Variants in DIXDC1 observed in about 807,000 individuals in gnomAD.
The protein encoded by DIXDC1 is dixin.
DIXDC1 carries 64 observed loss-of-function variants against 103.1 expected under a neutral mutation model. The ratio of observed to expected loss-of-function variants is 0.62; its 90% CI spans 0.51 to 0.76. The LOEUF (loss-of-function observed/expected upper bound fraction) is 0.76, where lower values mean the gene tolerates loss of function less well. DIXDC1 is among the 30% of genes least tolerant of loss of function. DIXDC1 has a pLI of 0.00. For synonymous variants in DIXDC1, 266 were observed against 298.5 expected (o/e 0.89, Z 1.12); for missense variants, 759 against 834.2 (o/e 0.91, Z 1.11).
chr11:111,947,215 C>T (rs781784920), intron 1 of DIXDC1, among the ~76,000 whole-genome samples: 1 of 152,098 alleles, frequency 6.6e-6, no homozygotes, highest in Admixed American at 6.6e-5. Flanking sequence ...CAGAGAAGCA[C>T]TGCTTTTCCC....
Position 111,977,226 on chromosome 11 carries a change from A to C in DIXDC1, c.656+2243A>C. 1.0e-6 allele frequency: 1 copy of C among 983,224 alleles called. No homozygotes were observed. The highest frequency in any genetic ancestry group is 1.2e-6 in the Non-Finnish European group (1 of 830,838). The allele number at this position is 983,224 out of a possible 1,614,324, so 60.9% of individuals were successfully genotyped here. On this transcript the variant is annotated intron_variant, in intron 5 of 19. Coordinates refer to ENST00000440460, the MANE Select transcript of DIXDC1 (RefSeq NM_001037954.4). This position sits in a 1 kb window ranked among gnomAD's most constrained non-coding sequence, Gnocchi z 6.1. ...CTCCGTCCAGAGCGGTCGGTTGGCC[A>C]GCGGAGCTGGCTTGGGTCGGAGCCC...
rs927312201 is a variant in DIXDC1 at position 111,937,562 on chromosome 11, A to G, written c.60+3A>G. On this transcript the variant is annotated splice_donor_region_variant and intron_variant, in intron 1 of 19. Transcript: ENST00000440460. ...TCCTGCAGGAGGGCTTCAATGAGGT[A>G]ACTGTCCTGCTCCTCCCACTCCTCA... 2 of 1,588,598 alleles carry G rather than the reference A, an allele frequency of 1.3e-6. No homozygotes were observed. Among genetic ancestry groups the G allele is most frequent in the African/African-American group, 2.7e-5 (2 of 74,278 alleles).
chr11:111,969,415 C>T (rs1859839935), intron 3 of DIXDC1, among the ~76,000 whole-genome samples: 1 of 152,034 alleles, frequency 6.6e-6, no homozygotes, highest in African/African-American at 2.4e-5. Context: ...TACATTTTTT[C>T]CATCTAGTTT....
chr11:111,950,057 A>G (rs1264434994), intron 1 of DIXDC1, among the ~76,000 whole-genome samples: 3 of 152,166 alleles, frequency 2.0e-5, no homozygotes, highest in Non-Finnish European at 4.4e-5. Flanking sequence ...AAATGAATGC[A>G]TGGAATGACA....
At position 112,019,294 on chromosome 11, in the gene DIXDC1, G is replaced by A. The variant is rs1861686722; in HGVS notation, c.*258G>A. The A allele has an allele frequency of 3.5e-6, 1 of 286,960 alleles. No homozygotes were observed. Among genetic ancestry groups the A allele is most frequent in the African/African-American group, 2.1e-5 (1 of 46,802 alleles). 17.8% of individuals were successfully genotyped at this position (286,960 alleles called of 1,614,324 possible). ...GGAACACAGTGTTCTATTCTACTCT[G>A]AGGACAACAAACCGAAGGCCTTAAA... On this transcript the variant is annotated 3_prime_UTR_variant, in exon 20 of 20. Coordinates refer to ENST00000440460, the MANE Select transcript of DIXDC1 (RefSeq NM_001037954.4).
intron 1 of DIXDC1, among the ~76,000 whole-genome samples, chr11:111,943,501 T>G (rs1311292080): frequency 1.4e-5 from 2 of 145,634 alleles, no homozygotes; most frequent in Admixed American, 6.7e-5. Flanking sequence ...TTTTTTTTTT[T>G]TTTTTTTTTG....
chr11:112,019,297 G>A lies in DIXDC1; in HGVS notation c.*261G>A. On this transcript the variant is annotated 3_prime_UTR_variant, in exon 20 of 20. Coordinates refer to ENST00000440460, the MANE Select transcript of DIXDC1 (RefSeq NM_001037954.4). Reference sequence around the variant, plus strand: ...ACACAGTGTTCTATTCTACTCTGAGGACAACAAACCGAAGGCCTTAAACGA... The same window carrying A: ...ACACAGTGTTCTATTCTACTCTGAGAACAACAAACCGAAGGCCTTAAACGA... 1 of 279,174 alleles carries A rather than the reference G, an allele frequency of 3.6e-6. No homozygotes were observed. Among genetic ancestry groups the A allele is most frequent in the Non-Finnish European group, 6.8e-6 (1 of 146,974 alleles). 17.3% of individuals were successfully genotyped at this position (279,174 alleles called of 1,614,324 possible). A position where few individuals can be genotyped will look rare whatever the true frequency, so the allele number is the denominator to read the frequency against.
At chr11:111,949,664 T>A (rs1966711520) in intron 1 of DIXDC1, among the ~76,000 whole-genome samples, 4 of 152,222 alleles carry the variant, frequency 2.6e-5, no homozygotes, top group Admixed American at 1.3e-4. Flanking sequence ...AGCCTTAGTC[T>A]AAGTGCTGGT....
At chr11:111,939,892 CT>C (rs1258923194) in intron 1 of DIXDC1, among the ~76,000 whole-genome samples, 1 of 152,284 alleles carries the variant, frequency 6.6e-6, no homozygotes, top group African/African-American at 2.4e-5. Flanking sequence ...TCAGAATACG[CT>C]TTAATTCTTC....
chr11:111,959,419 G>T (rs1431917989), intron 1 of DIXDC1, among the ~76,000 whole-genome samples: 2 of 152,186 alleles, frequency 1.3e-5, no homozygotes, highest in African/African-American at 4.8e-5. Flanking sequence ...CTGCAGCATC[G>T]CAGGGAGCCA....
chr11:111,954,442 G>A (rs587767163), intron 1 of DIXDC1, among the ~76,000 whole-genome samples: 2 of 152,306 alleles, frequency 1.3e-5, no homozygotes, highest in East Asian at 3.9e-4. Flanking sequence ...ACAGGCCATG[G>A]ACCAGATGCC....
In DIXDC1 at chr11:112,011,275, A is replaced by G. The variant is rs1382820325; in HGVS notation, c.1757-5416A>G. 2.0e-5 allele frequency among the ~76,000 whole-genome samples: 3 copies of G among 152,230 alleles called. No homozygotes were observed. In the East Asian group the frequency reaches 5.8e-4, roughly 29 times the overall value. On this transcript the variant is annotated intron_variant, in intron 17 of 19. Transcript: ENST00000440460. ...TGAGATACCATCTCACACCAGTTAG[A>G]GTGGCGATCATTAAAAAGTCAGGAA... is the stretch of plus-strand genomic sequence containing the variant.
At chr11:112,003,457 C>CA (rs1182220465) in intron 17 of DIXDC1, among the ~76,000 whole-genome samples, 5 of 149,286 alleles carry the variant, frequency 3.3e-5, no homozygotes, top group African/African-American at 9.9e-5. Context: ...AAAGGAAAAA[C>CA]AAAAAAATAA....
At chr11:111,929,523 C>T (rs1965945006) in intron 1 of DIXDC1, among the ~76,000 whole-genome samples, 1 of 145,498 alleles carries the variant, frequency 6.9e-6, no homozygotes, top group Non-Finnish European at 1.5e-5. Context: ...TTAAAGGCTG[C>T]AGTGAGTTAT....
chr11:111,945,177 G>C (rs1165435665), intron 1 of DIXDC1, among the ~76,000 whole-genome samples: 3 of 152,188 alleles, frequency 2.0e-5, no homozygotes, highest in Admixed American at 6.5e-5. Flanking sequence ...CCTCTTGTCT[G>C]CTTCTTTCTA....
chr11:111,956,285 A>G (rs1555170557), intron 1 of DIXDC1, among the ~76,000 whole-genome samples: 1 of 152,212 alleles, frequency 6.6e-6, no homozygotes, highest in African/African-American at 2.4e-5. Context: ...AAAAAGGTCT[A>G]TAGATTTGTT....
chr11:111,968,166 A>G (rs1447301676), intron 2 of DIXDC1, among the ~76,000 whole-genome samples: 1 of 152,222 alleles, frequency 6.6e-6, no homozygotes, highest in African/African-American at 2.4e-5. Context: ...CTGCAGATAT[A>G]AATTCTATGA....
rs587739583 is a variant in DIXDC1, at chr11:111,930,373, G to C, written c.57+463G>C. ...CAGCTCACTGCAACCTCTGCCTCCC[G>C]GGTTCAAGCAATTCTCCTGCCCCAG... On this transcript the variant is annotated intron_variant, in intron 2 of 5. Transcript: ENST00000529225. Among the ~76,000 whole-genome samples, 4 of 152,010 alleles carry C rather than the reference G, an allele frequency of 2.6e-5. No individual in the cohort carries two copies. The South Asian group carries it at 8.3e-4, about 32-fold the overall frequency.
rs587682342 is a variant in DIXDC1, at chr11:111,995,563, A to G, written c.1688A>G (p.Lys563Arg). Residue 563 changes from lysine to arginine, a missense_variant and splice_region_variant, in exon 16 of 20, where the codon AAG (lysine) becomes AGG (arginine). Lys to Arg is a conservative substitution (Grantham distance 26, BLOSUM62 2). Transcript: ENST00000440460. ...GAGACGCAGAAGAAACAAGAAAGAA[A>G]GGTAACCCTCTTGCTGTGGTATCTC... ...VMETQKKQER[K>R]VRVKSPRTQV... 1.9e-6 allele frequency: 3 copies of G among 1,613,872 alleles called. No homozygotes were observed. The highest frequency in any genetic ancestry group is 3.3e-5 in the Admixed American group (2 of 60,032).
Sources: allele counts gnomAD v4.1 joint callset (sites outside exome capture counted in the v4.1 genomes callset), GRCh38; gene constraint gnomAD v4.1.1; non-coding constraint Gnocchi (gnomAD v3.1); transcripts MANE v1.5; gene names NCBI Gene and HGNC (gene_info 2026-07-23, HGNC 2026-07-21).